Variants in KLHL14 observed in about 807,000 individuals in gnomAD.
KLHL14 encodes kelch-like protein 14.
A neutral mutation model predicts 64.3 loss-of-function variants in KLHL14; 22 were observed. That is an observed-to-expected ratio of 0.34 (90% confidence interval 0.24 to 0.49). The LOEUF (loss-of-function observed/expected upper bound fraction) is 0.49, where lower values mean the gene tolerates loss of function less well. Ranked by LOEUF, KLHL14 falls within the 20% of genes least tolerant of loss-of-function variation. The pLI is 0.99. For synonymous variants in KLHL14, 322 were observed against 333.4 expected, an observed-to-expected ratio of 0.97 and a Z score of 0.37; for missense variants, 661 against 789.0, an observed-to-expected ratio of 0.84 and a Z score of 1.94.
At chr18:32,682,491 A>G (rs1176748409) in intron 5 of KLHL14, among the ~76,000 whole-genome samples, 2 of 152,184 alleles carry the variant, frequency 1.3e-5, no homozygotes, top group East Asian at 3.9e-4. Flanking sequence ...TTATAATAAA[A>G]TGCTGTAGAT....
intron 4 of KLHL14, among the ~76,000 whole-genome samples, chr18:32,693,749 T>TG (rs2049923482): frequency 1.3e-5 from 2 of 152,170 alleles, no homozygotes; most frequent in Non-Finnish European, 2.9e-5. Flanking sequence ...CACTGATGGC[T>TG]TTAAACCCAA....
chr18:32,740,784 C>G (rs1264988485), intron 3 of KLHL14: 1 of 152,192 alleles, frequency 6.6e-6, no homozygotes, highest in Non-Finnish European at 1.5e-5. Flanking sequence ...TTTACTACAA[C>G]CGTAGCGCAT....
chr18:32,684,940 A>G (rs1222890490), intron 5 of KLHL14, among the ~76,000 whole-genome samples: 5 of 152,062 alleles, frequency 3.3e-5, no homozygotes, highest in Non-Finnish European at 2.9e-5. Flanking sequence ...CATAGGAGAG[A>G]TGGAGCTGCA....
chr18:32,690,262 C>T (rs1001242102), intron 4 of KLHL14, among the ~76,000 whole-genome samples: 9 of 152,202 alleles, frequency 5.9e-5, no homozygotes, highest in Admixed American at 1.3e-4. Flanking sequence ...AGGCAGCAAA[C>T]GGTATCATCT....
intron 3 of KLHL14, among the ~76,000 whole-genome samples, chr18:32,713,593 T>A (rs2050030998): frequency 1.3e-5 from 2 of 152,154 alleles, no homozygotes; most frequent in Admixed American, 1.3e-4. Flanking sequence ...ATCTGTATTA[T>A]AAAGAAAATA....
rs1040170074 is a variant in KLHL14 at position 32,683,624 on chromosome 18, C to T, written c.1239-3025G>A. ...TCTGTTTCAAATTGTTCATCTCTCCCTCCTTCAGCCTCCCCTGCCCCCACT... is the reference window on the plus strand; with the variant it reads ...TCTGTTTCAAATTGTTCATCTCTCCTTCCTTCAGCCTCCCCTGCCCCCACT... On this transcript the variant is annotated intron_variant, in intron 5 of 8. Transcript: ENST00000359358. This position sits in a 1 kb window ranked among gnomAD's most constrained non-coding sequence, Gnocchi z 4.2. Among the ~76,000 whole-genome samples, 9 of 152,156 alleles carry T rather than the reference C, an allele frequency of 5.9e-5. No homozygotes were observed. Among genetic ancestry groups the T allele is most frequent in the Non-Finnish European group, 8.8e-5 (6 of 68,020 alleles).
At chr18:32,701,979 G>A (rs1056257593) in intron 3 of KLHL14, among the ~76,000 whole-genome samples, 5 of 152,206 alleles carry the variant, frequency 3.3e-5, no homozygotes, top group African/African-American at 1.2e-4. Context: ...TATGGTGAGT[G>A]AACAATTGAT....
At chr18:32,713,642 T>C (rs772694341) in intron 3 of KLHL14, among the ~76,000 whole-genome samples, 13 of 152,192 alleles carry the variant, frequency 8.5e-5, no homozygotes, top group Non-Finnish European at 1.8e-4. Context: ...CTCACTAATA[T>C]GTAAACATGA....
At chr18:32,689,346 T>G (rs2049895745) in intron 4 of KLHL14, among the ~76,000 whole-genome samples, 1 of 151,972 alleles carries the variant, frequency 6.6e-6, no homozygotes, top group Non-Finnish European at 1.5e-5. Context: ...AAAACCAACA[T>G]AGGAAAAGAA....
At position 32,772,107 on chromosome 18, in the gene KLHL14, G is replaced by A. The variant is rs1478142261; in HGVS notation, c.-44+560C>T. The A allele has an allele frequency of 4.6e-5, 11 of 236,832 alleles. No individual in the cohort carries two copies. In the East Asian group the frequency reaches 1.6e-3, roughly 35 times the overall value. The allele number at this position is 236,832 out of a possible 1,614,324, so 14.7% of individuals were successfully genotyped here. On this transcript the variant is annotated intron_variant, in intron 1 of 8. Coordinates refer to ENST00000359358, the MANE Select transcript of KLHL14 (RefSeq NM_020805.3). Reference sequence around the variant, plus strand: ...CATCCCGCCCGCGCGCCGGCCCGCCGGCCCGCCGGCCCGCCCGCCCGGGGG... The same window carrying A: ...CATCCCGCCCGCGCGCCGGCCCGCCAGCCCGCCGGCCCGCCCGCCCGGGGG...
chr18:32,674,875 A>C, intron 8 of KLHL14, 78 bp from the exon 9 acceptor site: 1 of 671,154 alleles, frequency 1.5e-6, no homozygotes, highest in Admixed American at 2.2e-5. Context: ...CATATTTATT[A>C]ATATATTGAA....
At chr18:32,700,618 A>G (rs1471946106) in intron 3 of KLHL14, among the ~76,000 whole-genome samples, 1 of 152,076 alleles carries the variant, frequency 6.6e-6, no homozygotes, top group African/African-American at 2.4e-5. Flanking sequence ...TTTCTCCATT[A>G]ATCAAGTATT....
At chr18:32,751,725 T>C (rs1337567944) in intron 2 of KLHL14, among the ~76,000 whole-genome samples, 3 of 152,198 alleles carry the variant, frequency 2.0e-5, no homozygotes, top group African/African-American at 4.8e-5. Flanking sequence ...ATAAAGATAA[T>C]ACATGCTCAC....
At chr18:32,714,472 A>G (rs1445702790) in intron 3 of KLHL14, among the ~76,000 whole-genome samples, 1 of 152,240 alleles carries the variant, frequency 6.6e-6, no homozygotes, top group Non-Finnish European at 1.5e-5. Flanking sequence ...TTCTCATTAA[A>G]GCAGAGTAAT....
In KLHL14 at chr18:32,742,045, G is replaced by A. The variant is rs371937062; in HGVS notation, c.952C>T (p.Arg318Cys). 2.5e-6 allele frequency: 4 copies of A among 1,612,090 alleles called. No homozygotes were observed. Among genetic ancestry groups the A allele is most frequent in the African/African-American group, 2.7e-5 (2 of 74,750 alleles). ...AATAACAGCATTTTCTTGTTAGAGC[G>A]AATTCTTCACCCAAAACAAAAGAGG... ...HCRQSLASRI[R>C]SNKKMLLLVG... The change falls in exon 3 of 9, where the codon CGC (arginine) becomes TGC (cysteine). Residue 318 changes from arginine to cysteine, a missense_variant. Physicochemically the swap from Arg to Cys is radical, Grantham distance 180. Transcript: ENST00000359358.
Position 32,769,924 on chromosome 18 carries a change from G to T in KLHL14, c.668C>A (p.Ala223Asp). ...GGGGGGCGGCAGCGAGTCCAGCAGG[G>T]CGCGCATCTCCTCGAAGTTGAGCAG... Reference protein sequence around the residue: ...VLLLNFEEMRALLDSLPPPVE... With the variant: ...VLLLNFEEMRDLLDSLPPPVE... Residue 223 changes from alanine to aspartate, a missense_variant, in exon 2 of 9, where the codon GCC becomes GAC. Transcript: ENST00000359358. 6 of 1,614,150 alleles carry T rather than the reference G, an allele frequency of 3.7e-6. No homozygotes were observed. Among genetic ancestry groups the T allele is most frequent in the Non-Finnish European group, 5.1e-6 (6 of 1,180,042 alleles).
chr18:32,714,706 G>A (rs1051761031), intron 3 of KLHL14, among the ~76,000 whole-genome samples: 1 of 152,030 alleles, frequency 6.6e-6, no homozygotes, highest in Non-Finnish European at 1.5e-5. Context: ...CTCGCCTTTC[G>A]TTAACTGCAG....
intron 2 of KLHL14, chr18:32,743,042 C>G (rs536730142): frequency 6.6e-6 from 1 of 152,380 alleles, no homozygotes; most frequent in African/African-American, 2.4e-5. Context: ...TCCTCAGGAA[C>G]AGTAATGGAT....
At chr18:32,746,204 A>T (rs933928527) in intron 2 of KLHL14, among the ~76,000 whole-genome samples, 4 of 152,258 alleles carry the variant, frequency 2.6e-5, no homozygotes, top group African/African-American at 9.6e-5. Context: ...GGAATAAAAG[A>T]AATGTAAACA....
Sources: allele counts gnomAD v4.1 joint callset (sites outside exome capture counted in the v4.1 genomes callset), GRCh38; gene constraint gnomAD v4.1.1; non-coding constraint Gnocchi (gnomAD v3.1); transcripts MANE v1.5; gene names NCBI Gene and HGNC (gene_info 2026-07-23, HGNC 2026-07-21).